Variants in EME2 observed in about 807,000 individuals in gnomAD.
EME2 encodes essential meiotic structure-specific endonuclease subunit 2, also known as structure-specific endonuclease subunit EME2.
A neutral mutation model predicts 41.9 loss-of-function variants in EME2; 58 were observed. That is an observed-to-expected ratio of 1.38 (90% CI 1.12 to 1.72). EME2 has a LOEUF of 1.72. Ranked by LOEUF, EME2 falls within the 40% of genes most tolerant of loss-of-function variation. The pLI, the probability that EME2 is intolerant of heterozygous loss-of-function variation, is 0.00. For missense variants in EME2, 695 were observed against 541.9 expected (o/e 1.28, Z -2.81); for synonymous variants, 334 against 239.3 (o/e 1.40, Z -3.65).
At position 1,777,268 on chromosome 16, in the gene EME2, C is replaced by T; in HGVS notation, c.*1030C>T. On this transcript the variant is annotated 3_prime_UTR_variant, in exon 8 of 8. Coordinates refer to ENST00000568449, the MANE Select transcript of EME2 (RefSeq NM_001257370.2). ...CCTGCTTGAGGCCCGGCGGCAGCGGCAGACCCTCCAGCGTGTCTCCCGAGT... is the reference window on the plus strand; with the variant it reads ...CCTGCTTGAGGCCCGGCGGCAGCGGTAGACCCTCCAGCGTGTCTCCCGAGT... The T allele has an allele frequency of 6.2e-7, 1 of 1,610,472 alleles. No homozygotes were observed.
In EME2 at chr16:1,777,535, T is replaced by G. The variant is rs997531173; in HGVS notation, c.*1297T>G. The G allele has an allele frequency of 5.7e-4, 782 of 1,376,132 alleles. 1 individual carries two copies. The highest frequency in any genetic ancestry group is 6.4e-4 in the Non-Finnish European group (667 of 1,041,788). 85.2% of individuals were successfully genotyped at this position (1,376,132 alleles called of 1,614,324 possible). A position where few individuals can be genotyped will look rare whatever the true frequency, so the allele number is the denominator to read the frequency against. On this transcript the variant is annotated 3_prime_UTR_variant, in exon 8 of 8. Transcript: ENST00000568449. ...AGACCTCACGCTACAGTCACCCGGG[T>G]GGGCAGCTGGCACAGCTGAGGCAAG...
In EME2 at chr16:1,774,279, C is replaced by T. The variant is rs775087880; in HGVS notation, c.404C>T (p.Ala135Val). Residue 135 changes from alanine to valine, a missense_variant, in exon 3 of 8, where the codon GCT (alanine) becomes GTT (valine). Transcript: ENST00000568449. ...CCACAGCTGCCTCCTGAAGTGTGGG[C>T]TGCAGGTGAACAGGAATTGCTGCTG... ...CPRSLPPEVW[A>V]AGEQELLLLL... is the part of the protein sequence containing the mutation. The T allele has an allele frequency of 1.2e-6, 2 of 1,612,746 alleles. No individual in the cohort carries two copies. Among genetic ancestry groups the T allele is most frequent in the Non-Finnish European group, 1.7e-6 (2 of 1,179,930 alleles).
At position 1,778,299 on chromosome 16, in the gene EME2, G is replaced by A. The variant is rs1300261322; in HGVS notation, c.*2061G>A. ...GCAGGGTGGCTGATGACTTATTTAA[G>A]TCATCCCAGACCCAGTCGAAATCTG... is the stretch of plus-strand genomic sequence containing the variant. On this transcript the variant is annotated 3_prime_UTR_variant, in exon 8 of 8. Transcript: ENST00000568449. 1.2e-6 allele frequency: 2 copies of A among 1,612,500 alleles called. No individual in the cohort carries two copies. Among genetic ancestry groups the A allele is most frequent in the Non-Finnish European group, 8.5e-7 (1 of 1,179,992 alleles).
rs768252214 is a variant in EME2, at chr16:1,777,418, G to T, written c.*1180G>T. On this transcript the variant is annotated 3_prime_UTR_variant, in exon 8 of 8. Coordinates refer to ENST00000568449, the MANE Select transcript of EME2 (RefSeq NM_001257370.2). ...AGCACACCATCGGGTAGAATCTCTT[G>T]TTCTGCAGCTTGGTGGCTGCCACAC... 3.2e-6 allele frequency: 5 copies of T among 1,550,334 alleles called. No individual in the cohort carries two copies. Among genetic ancestry groups the T allele is most frequent in the Non-Finnish European group, 4.3e-6 (5 of 1,150,530 alleles).
In EME2 at chr16:1,773,792, C is replaced by A; in HGVS notation, c.335C>A (p.Ala112Asp). The A allele has an allele frequency of 6.4e-7, 1 of 1,554,786 alleles. No individual in the cohort carries two copies. Among genetic ancestry groups the A allele is most frequent in the Non-Finnish European group, 8.7e-7 (1 of 1,151,182 alleles). The change falls in exon 2 of 8, where the codon GCC (alanine) becomes GAC (aspartate). Residue 112 changes from alanine to aspartate, a missense_variant. Ala to Asp is a moderately radical substitution (Grantham distance 126). Transcript: ENST00000568449. ...CECRIEPQRP[A>D]RSLRWTRASP... ...TGCCGCATCGAGCCCCAGCGCCCGG[C>A]CCGCAGCCTGCGGTGGACCCGAGCG...
At position 1,778,501 on chromosome 16, in the gene EME2, A is replaced by C; in HGVS notation, c.*2263A>C. On this transcript the variant is annotated 3_prime_UTR_variant, in exon 8 of 8. Transcript: ENST00000568449. ...GCCGAGTGCAGGCTGCTACAGAAGG[A>C]GGCCTCGCTCTGCCCAGCACAGTCA... The C allele has an allele frequency of 2.5e-6, 4 of 1,612,066 alleles. No homozygotes were observed. The highest frequency in any genetic ancestry group is 2.5e-6 in the Non-Finnish European group (3 of 1,179,626).
rs747795229 is a variant in EME2, at chr16:1,778,106, A to G, written c.*1868A>G. ...CTGGGCTGCCGGAGCCAGGTTCCCCAGAAGCACCCTGGGCCGAAGCAACTT... is the reference window on the plus strand; with the variant it reads ...CTGGGCTGCCGGAGCCAGGTTCCCCGGAAGCACCCTGGGCCGAAGCAACTT... On this transcript the variant is annotated 3_prime_UTR_variant, in exon 8 of 8. Transcript: ENST00000568449. 7.4e-6 allele frequency: 12 copies of G among 1,612,908 alleles called. No individual in the cohort carries two copies. Among genetic ancestry groups the G allele is most frequent in the Non-Finnish European group, 7.6e-6 (9 of 1,179,902 alleles).
In EME2 at chr16:1,773,226, C is replaced by T; in HGVS notation, c.-2C>T. ...GGAAGCGAGGAAGAGGTCGGTCCGG[C>T]CATGGCGCGGGTTGGACCCGGGAGG... is the stretch of plus-strand genomic sequence containing the variant. On this transcript the variant is annotated 5_prime_UTR_variant, in exon 1 of 8. Transcript: ENST00000568449. The T allele has an allele frequency of 1.4e-6, 2 of 1,444,956 alleles. No homozygotes were observed. Among genetic ancestry groups the T allele is most frequent in the Non-Finnish European group, 1.8e-6 (2 of 1,108,500 alleles). 89.5% of individuals were successfully genotyped at this position (1,444,956 alleles called of 1,614,324 possible). A position where few individuals can be genotyped will look rare whatever the true frequency, so the allele number is the denominator to read the frequency against.
At chr16:1,774,425 C>A in intron 3 of EME2, 73 bp downstream of exon 3, 2 of 1,245,700 alleles carry the variant, frequency 1.6e-6, no homozygotes, top group Admixed American at 1.7e-5. Context: ...GCCTGCTCCG[C>A]CGGTCCCTGC....
chr16:1,777,928 A>G lies in EME2; in HGVS notation c.*1690A>G. On this transcript the variant is annotated 3_prime_UTR_variant, in exon 8 of 8. Transcript: ENST00000568449. The stretch of plus-strand genomic sequence containing the variant: ...GGAGCTCCAGGCTCGGCCCCGCCCC[A>G]CCCTGGGCCTCACGCACCCGTGTAG... 1.9e-6 allele frequency: 3 copies of G among 1,612,116 alleles called. No homozygotes were observed. The highest frequency in any genetic ancestry group is 2.2e-5 in the East Asian group (1 of 44,846).
chr16:1,777,679 C>T lies in EME2; in HGVS notation c.*1441C>T, dbSNP rs1409909673. 2.5e-6 allele frequency: 4 copies of T among 1,592,240 alleles called. No homozygotes were observed. The highest frequency in any genetic ancestry group is 4.5e-5 in the East Asian group (2 of 44,584). On this transcript the variant is annotated 3_prime_UTR_variant, in exon 8 of 8. Transcript: ENST00000568449. ...TCAGAAAACCTCAGTGTCCCCTGGGCTGGGGCGGGGTGGCTGCCTCCCTCG... is the reference window on the plus strand; with the variant it reads ...TCAGAAAACCTCAGTGTCCCCTGGGTTGGGGCGGGGTGGCTGCCTCCCTCG...
At position 1,775,975 on chromosome 16, in the gene EME2, C is replaced by T; in HGVS notation, c.958C>T (p.Leu320Phe). The change falls in exon 7 of 8, where the codon CTT becomes TTT. Residue 320 changes from leucine (L) to phenylalanine (F), a missense_variant. Leu to Phe is a conservative substitution (Grantham distance 22, BLOSUM62 0). Coordinates refer to ENST00000568449, the MANE Select transcript of EME2 (RefSeq NM_001257370.2). Reference protein sequence around the residue: ...AVVTAFPSPRLLQQALEACST... With the variant: ...AVVTAFPSPRFLQQALEACST... ...TGTCACAGCCTTCCCCTCCCCCCGC[C>T]TTCTGCAGCAGGTGGGCCCCTGCCT... 1 of 1,609,164 alleles carries T rather than the reference C, an allele frequency of 6.2e-7. No individual in the cohort carries two copies. The highest frequency in any genetic ancestry group is 8.5e-7 in the Non-Finnish European group (1 of 1,179,146).
Position 1,776,661 on chromosome 16 carries a change from G to A in EME2, c.*423G>A. ...GCAGTGAGGCCTGGGAGAAGGCCCA[G>A]GCTGCTCGCAAGCCCGGCCTCTGCA... is the stretch of plus-strand genomic sequence containing the variant. On this transcript the variant is annotated 3_prime_UTR_variant, in exon 8 of 8. Coordinates refer to ENST00000568449, the MANE Select transcript of EME2 (RefSeq NM_001257370.2). 1 of 287,094 alleles carries A rather than the reference G, an allele frequency of 3.5e-6. No individual in the cohort carries two copies. The highest frequency in any genetic ancestry group is 6.6e-6 in the Non-Finnish European group (1 of 152,226). The allele number at this position is 287,094 out of a possible 1,614,324, so 17.8% of individuals were successfully genotyped here. A position where few individuals can be genotyped will look rare whatever the true frequency, so the allele number is the denominator to read the frequency against.
chr16:1,776,552 C>G lies in EME2; in HGVS notation c.*314C>G. On this transcript the variant is annotated 3_prime_UTR_variant, in exon 8 of 8. Coordinates refer to ENST00000568449, the MANE Select transcript of EME2 (RefSeq NM_001257370.2). ...ACACTCGGCAGGGACCAGAAGGCAGCTCCAGGGCCCCACTGCCACCTGGAG... is the reference window on the plus strand; with the variant it reads ...ACACTCGGCAGGGACCAGAAGGCAGGTCCAGGGCCCCACTGCCACCTGGAG... 1 of 369,566 alleles carries G rather than the reference C, an allele frequency of 2.7e-6. No individual in the cohort carries two copies. The highest frequency in any genetic ancestry group is 4.9e-6 in the Non-Finnish European group (1 of 203,548). The allele number at this position is 369,566 out of a possible 1,614,324, so 22.9% of individuals were successfully genotyped here. A position where few individuals can be genotyped will look rare whatever the true frequency, so the allele number is the denominator to read the frequency against.
chr16:1,776,932 C>A lies in EME2; in HGVS notation c.*694C>A, dbSNP rs2042721988. The A allele has an allele frequency of 1.3e-6, 1 of 785,012 alleles. No individual in the cohort carries two copies. Among genetic ancestry groups the A allele is most frequent in the Non-Finnish European group, 2.0e-6 (1 of 505,936 alleles). 48.6% of individuals were successfully genotyped at this position (785,012 alleles called of 1,614,324 possible). A position where few individuals can be genotyped will look rare whatever the true frequency, so the allele number is the denominator to read the frequency against. On this transcript the variant is annotated 3_prime_UTR_variant, in exon 8 of 8. Coordinates refer to ENST00000568449, the MANE Select transcript of EME2 (RefSeq NM_001257370.2). ...ACAGCAGCAGAGGGGCCCTAGAGCC[C>A]CCACAGAAAGGACTGTCCCAGCCTC...
At position 1,778,675 on chromosome 16, in the gene EME2, TCTGTCCCTGTCCCACC is replaced by T. The variant is rs990689749; in HGVS notation, c.*2447_*2462del. ...GCTCTCTACCCTCTCACCCTTGCCC[TCTGTCCCTGTCCCACC>T]CTGTCCCTGACCCACCCAGGAAAGG... is the stretch of plus-strand genomic sequence containing the variant. On this transcript the variant is annotated 3_prime_UTR_variant, in exon 8 of 8. Transcript: ENST00000568449. 4.8e-5 allele frequency: 72 copies of T among 1,492,686 alleles called. No individual in the cohort carries two copies. In the African/African-American group the frequency reaches 9.2e-4, roughly 19 times the overall value. The allele number at this position is 1,492,686 out of a possible 1,614,324, so 92.5% of individuals were successfully genotyped here.
chr16:1,777,629 C>T lies in EME2; in HGVS notation c.*1391C>T. 1 of 1,503,262 alleles carries T rather than the reference C, an allele frequency of 6.7e-7. No individual in the cohort carries two copies. The highest frequency in any genetic ancestry group is 9.0e-7 in the Non-Finnish European group (1 of 1,116,632). The allele number at this position is 1,503,262 out of a possible 1,614,324, so 93.1% of individuals were successfully genotyped here. A position where few individuals can be genotyped will look rare whatever the true frequency, so the allele number is the denominator to read the frequency against. On this transcript the variant is annotated 3_prime_UTR_variant, in exon 8 of 8. Coordinates refer to ENST00000568449, the MANE Select transcript of EME2 (RefSeq NM_001257370.2). ...TGTCCCACCCCCTGGGACCCTGGGG[C>T]CTCAGGCTTCTGGGAGGAACCCTTT...
Position 1,778,532 on chromosome 16 carries a change from G to C in EME2, c.*2294G>C. The C allele has an allele frequency of 1.2e-6, 2 of 1,609,552 alleles. No homozygotes were observed. Among genetic ancestry groups the C allele is most frequent in the Non-Finnish European group, 1.7e-6 (2 of 1,177,650 alleles). ...CGCTCTGCCCAGCACAGTCACAGAA[G>C]GACTCGCCGGTCACGGGCACCGCAC... On this transcript the variant is annotated 3_prime_UTR_variant, in exon 8 of 8. Transcript: ENST00000568449.
Position 1,777,989 on chromosome 16 carries a change from G to A in EME2, c.*1751G>A. The A allele has an allele frequency of 6.2e-7, 1 of 1,613,158 alleles. No individual in the cohort carries two copies. Among genetic ancestry groups the A allele is most frequent in the East Asian group, 2.2e-5 (1 of 44,854 alleles). On this transcript the variant is annotated 3_prime_UTR_variant, in exon 8 of 8. Coordinates refer to ENST00000568449, the MANE Select transcript of EME2 (RefSeq NM_001257370.2). ...AGCTGTCCTCATCCCTGCCCAGCAG[G>A]CTGCAGAACGTGTGGCGGTATTTGT...
Sources: allele counts gnomAD v4.1 joint callset, GRCh38; gene constraint gnomAD v4.1.1; transcripts MANE v1.5; gene names NCBI Gene and HGNC (gene_info 2026-07-23, HGNC 2026-07-21).